ITPR2: variants seen among roughly 807,000 people sequenced by gnomAD.
ITPR2 encodes inositol 1,4,5-trisphosphate-gated calcium channel ITPR2.
In ITPR2, 207 loss-of-function variants were observed where a neutral mutation model predicts 317.1. That is an observed-to-expected ratio of 0.65 (90% CI 0.58 to 0.73). ITPR2 has a LOEUF of 0.73. Ranked by LOEUF, ITPR2 falls within the 30% of genes least tolerant of loss-of-function variation. The pLI is 0.00. For synonymous variants in ITPR2, 1,156 were observed against 1,149.1 expected (o/e 1.01, Z -0.12); for missense variants, 2,613 against 3,284.0 (o/e 0.80, Z 4.99).
intron 54 of ITPR2, among the ~76,000 whole-genome samples, chr12:26,397,650 T>C (rs1056704126): frequency 3.9e-5 from 6 of 152,168 alleles, no homozygotes; most frequent in Admixed American, 2.0e-4. Flanking sequence ...CTGATACACC[T>C]ACAACTGTTG....
chr12:26,682,695 A>C (rs1324076760), intron 11 of ITPR2, 22 bp from the exon 12 acceptor site: 4 of 1,473,226 alleles, frequency 2.7e-6, no homozygotes, highest in Admixed American at 1.8e-5. Context: ...ACAATATAAA[A>C]AAACAAATTA....
At chr12:26,727,578 T>C (rs1948952168) in intron 2 of ITPR2, among the ~76,000 whole-genome samples, 1 of 152,250 alleles carries the variant, frequency 6.6e-6, no homozygotes, top group Non-Finnish European at 1.5e-5. Context: ...GTCAGCAAAC[T>C]GGCTGTCAGG....
intron 45 of ITPR2, among the ~76,000 whole-genome samples, chr12:26,467,285 A>C (rs1168475851): frequency 2.0e-5 from 3 of 152,162 alleles, no homozygotes; most frequent in African/African-American, 4.8e-5. Context: ...AAATCCAAAA[A>C]ATTTCTTTAG....
In ITPR2 at chr12:26,658,032, G is replaced by A. The variant is rs1947413578; in HGVS notation, c.1985C>T (p.Ala662Val). The change falls in exon 17 of 57, where the codon GCA becomes GTA. Residue 662 changes from alanine to valine, a missense_variant. Physicochemically the swap from Ala to Val is moderately conservative, Grantham distance 64. This residue lies in a region of ITPR2 where 817 missense variants were observed against 897.6 expected (regional missense o/e 0.91). Transcript: ENST00000381340. ...TTACTTAGTTTGAATGAGAATGTCTGCATTGCCTGGACTCAACATAAATTT... is the reference window on the plus strand; with the variant it reads ...TTACTTAGTTTGAATGAGAATGTCTACATTGCCTGGACTCAACATAAATTT... ...ICKFMLSPGN[A>V]DILIQTKVVS... 1 of 1,612,768 alleles carries A rather than the reference G, an allele frequency of 6.2e-7. No individual in the cohort carries two copies. Among genetic ancestry groups the A allele is most frequent in the Non-Finnish European group, 8.5e-7 (1 of 1,179,480 alleles).
intron 2 of ITPR2, among the ~76,000 whole-genome samples, chr12:26,729,188 C>T (rs1335028794): frequency 5.9e-5 from 9 of 151,946 alleles, no homozygotes; most frequent in South Asian, 2.1e-4. Flanking sequence ...AACATACATG[C>T]GGCCAACAAT....
Position 26,475,310 on chromosome 12 carries a change from T to A in ITPR2, c.6328A>T (p.Ile2110Phe). 1 of 1,613,894 alleles carries A rather than the reference T, an allele frequency of 6.2e-7. No individual in the cohort carries two copies. Among genetic ancestry groups the A allele is most frequent in the Non-Finnish European group, 8.5e-7 (1 of 1,179,846 alleles). Reference sequence around the variant, plus strand: ...AAATGTGACACCTGATGGGCCAGAATATAGATATTGTGTCCAACATCTTTT... The same window carrying A: ...AAATGTGACACCTGATGGGCCAGAAAATAGATATTGTGTCCAACATCTTTT... Reference protein sequence around the residue: ...SPKDVGHNIYILAHQLARHNK... With the variant: ...SPKDVGHNIYFLAHQLARHNK... The change falls in exon 45 of 57, where the codon ATT becomes TTT. Residue 2110 changes from isoleucine to phenylalanine, a missense_variant. Transcript: ENST00000381340.
chr12:26,690,084 A>C (rs1455095146), intron 10 of ITPR2, among the ~76,000 whole-genome samples: 1 of 152,206 alleles, frequency 6.6e-6, no homozygotes, highest in African/African-American at 2.4e-5. Context: ...GAATATAAGG[A>C]CACAGAAGTT....
chr12:26,450,579 G>A (rs980673179), intron 45 of ITPR2, among the ~76,000 whole-genome samples: 66 of 152,160 alleles, frequency 4.3e-4, no homozygotes, highest in African/African-American at 1.5e-3. Context: ...CAACTGTGTG[G>A]TCTCAGCCAG....
At chr12:26,534,499 T>C (rs987195291) in intron 37 of ITPR2, among the ~76,000 whole-genome samples, 1 of 152,130 alleles carries the variant, frequency 6.6e-6, no homozygotes, top group Admixed American at 6.5e-5. Flanking sequence ...GAAATAGAAA[T>C]TTCATCACTT....
chr12:26,422,141 A>G (rs901676328), intron 49 of ITPR2, among the ~76,000 whole-genome samples: 3 of 150,322 alleles, frequency 2.0e-5, no homozygotes, highest in Non-Finnish European at 3.0e-5. Flanking sequence ...CTAATTATTT[A>G]CTAAATGATT....
At chr12:26,578,109 G>A (rs966395200) in intron 34 of ITPR2, among the ~76,000 whole-genome samples, 1 of 152,100 alleles carries the variant, frequency 6.6e-6, no homozygotes, top group Non-Finnish European at 1.5e-5. Context: ...GTACAGCCAA[G>A]TGTGCATTTC....
At chr12:26,663,897 ACC>A in intron 14 of ITPR2, 51 bp from the exon 15 acceptor site, 3 of 1,458,796 alleles carry the variant, frequency 2.1e-6, no homozygotes, top group South Asian at 1.3e-5. Context: ...ATGTTTTGCA[ACC>A]TTTTTTTTTT....
chr12:26,673,492 C>A (rs1316702987), intron 13 of ITPR2, among the ~76,000 whole-genome samples: 2 of 151,838 alleles, frequency 1.3e-5, no homozygotes, highest in Admixed American at 6.6e-5. Flanking sequence ...CAAAATTCAA[C>A]AACCCTTCAT....
chr12:26,401,994 T>C (rs2136653794), intron 52 of ITPR2, among the ~76,000 whole-genome samples: 1 of 152,262 alleles, frequency 6.6e-6, no homozygotes, highest in South Asian at 2.1e-4. Context: ...CAAGGCACAT[T>C]CTGATTTAAA....
At chr12:26,759,287 C>T (rs1411888248) in intron 2 of ITPR2, among the ~76,000 whole-genome samples, 1 of 152,208 alleles carries the variant, frequency 6.6e-6, no homozygotes, top group Non-Finnish European at 1.5e-5. Context: ...ATTATGTTAA[C>T]ATTTCAAAGC....
chr12:26,387,263 G>A (rs899522676), intron 55 of ITPR2, among the ~76,000 whole-genome samples, 171 bp downstream of exon 55: 22 of 152,296 alleles, frequency 1.4e-4, no homozygotes, highest in African/African-American at 5.3e-4. Context: ...AGTCTACTGG[G>A]AACCAATGAC....
chr12:26,751,988 C>T (rs148388820), intron 2 of ITPR2, among the ~76,000 whole-genome samples: 117 of 152,220 alleles, frequency 7.7e-4, no homozygotes, highest in African/African-American at 2.6e-3. Flanking sequence ...TGTCTATAGT[C>T]TTGAGTGGGT....
In ITPR2 at chr12:26,437,842, C is replaced by T. The variant is rs144523141; in HGVS notation, c.6643+1285G>A. ...ATTGAGATGGTGTCTCACTCTGTCG[C>T]CCAGGCTGGAGTGCAGTGTTGCAAC... On this transcript the variant is annotated intron_variant, in intron 47 of 56. Coordinates refer to ENST00000381340, the MANE Select transcript of ITPR2 (RefSeq NM_002223.4). Among the ~76,000 whole-genome samples, 135 of 152,230 alleles carry T rather than the reference C, an allele frequency of 8.9e-4. 3 individuals carry two copies. In the East Asian group the frequency reaches 0.024, roughly 27 times the overall value.
In ITPR2 at chr12:26,415,299, A is replaced by G. The variant is rs1940686633; in HGVS notation, c.7306+4T>C. The G allele has an allele frequency of 1.9e-6, 3 of 1,591,640 alleles. No individual in the cohort carries two copies. The highest frequency in any genetic ancestry group is 1.4e-5 in the African/African-American group (1 of 73,616). ...GAAACCTCATTTAGTGGTAATAGCA[A>G]TACCTGTAACAGGAGTTCGGTTTTT... On this transcript the variant is annotated splice_donor_region_variant and intron_variant, in intron 51 of 56. Coordinates refer to ENST00000381340, the MANE Select transcript of ITPR2 (RefSeq NM_002223.4).
Sources: allele counts gnomAD v4.1 joint callset (sites outside exome capture counted in the v4.1 genomes callset), GRCh38; gene constraint gnomAD v4.1.1; regional missense constraint gnomAD v4.1.1; transcripts MANE v1.5; gene names NCBI Gene and HGNC (gene_info 2026-07-23, HGNC 2026-07-21).